CYSLTR2: variants seen among roughly 807,000 people sequenced by gnomAD.
The protein encoded by CYSLTR2 is G-protein coupled receptor GPCR21.
For missense variants in CYSLTR2, 398 were observed against 411.9 expected (o/e 0.97, Z 0.29); for synonymous variants, 179 against 160.8 (o/e 1.11, Z -0.86).
At chr13:48,695,654 A>T (rs892361841) in intron 3 of CYSLTR2, among the ~76,000 whole-genome samples, 1 of 152,130 alleles carries the variant, frequency 6.6e-6, no homozygotes, top group Non-Finnish European at 1.5e-5. Flanking sequence ...TCATTCAAGG[A>T]TGTTATATAA....
chr13:48,662,410 T>G (rs1309142932), intron 1 of CYSLTR2, among the ~76,000 whole-genome samples: 2 of 152,164 alleles, frequency 1.3e-5, no homozygotes, highest in Non-Finnish European at 2.9e-5. Context: ...AATTCTACTT[T>G]TAGTTTCTTG....
At chr13:48,679,418 A>G (rs150367114) in intron 1 of CYSLTR2, among the ~76,000 whole-genome samples, 6 of 152,256 alleles carry the variant, frequency 3.9e-5, no homozygotes, top group Non-Finnish European at 8.8e-5. Flanking sequence ...TCACTGTCAT[A>G]TACACAGGGC....
chr13:48,658,734 G>C (rs1036680480), intron 1 of CYSLTR2, among the ~76,000 whole-genome samples: 23 of 152,216 alleles, frequency 1.5e-4, no homozygotes, highest in African/African-American at 5.5e-4. Context: ...ATGGGCAAGA[G>C]AGAGCCTGCA....
In CYSLTR2 at chr13:48,695,068, A is replaced by ATTTTTTTTTTTTTTTTTT. The variant is rs869282546; in HGVS notation, c.-102-1449_-102-1432dup. ...AGACCATGGTATATCAGAACCTGGC[A>ATTTTTTTTTTTTTTTTTT]TTTTTTTTTTTTTTTTTTTTTTTTT... On this transcript the variant is annotated intron_variant, in intron 3 of 4. Coordinates refer to ENST00000682523, the MANE Select transcript of CYSLTR2 (RefSeq NM_001308476.3). 5.4e-4 allele frequency among the ~76,000 whole-genome samples: 39 copies of ATTTTTTTTTTTTTTTTTT among 71,618 alleles called. 9 individuals are homozygous for ATTTTTTTTTTTTTTTTTT. The highest frequency in any genetic ancestry group is 6.5e-4 in the Non-Finnish European group (26 of 39,926). 47.0% of individuals were successfully genotyped at this position (71,618 alleles called of 152,430 possible). A position where few individuals can be genotyped will look rare whatever the true frequency, so the allele number is the denominator to read the frequency against.
At chr13:48,699,472 G>A (rs1309493016) in intron 4 of CYSLTR2, among the ~76,000 whole-genome samples, 3 of 152,194 alleles carry the variant, frequency 2.0e-5, no homozygotes, top group South Asian at 2.1e-4. Context: ...TGAAACCAAT[G>A]AGAGCAAAGA....
intron 1 of CYSLTR2, among the ~76,000 whole-genome samples, chr13:48,683,162 C>T (rs897542475): frequency 2.6e-5 from 4 of 152,106 alleles, no homozygotes; most frequent in Non-Finnish European, 5.9e-5. Context: ...CATGTCTTTG[C>T]TATTGTGAAT....
intron 1 of CYSLTR2, among the ~76,000 whole-genome samples, chr13:48,675,849 T>C (rs1037915588): frequency 1.3e-5 from 2 of 152,244 alleles, no homozygotes; most frequent in Non-Finnish European, 2.9e-5. Flanking sequence ...CTGGGCCAAA[T>C]AGCATCATCC....
intron 4 of CYSLTR2, 73 bp from the exon 5 acceptor site, chr13:48,706,744 T>C (rs1954498286): frequency 5.9e-6 from 7 of 1,196,552 alleles, no homozygotes; most frequent in Non-Finnish European, 7.2e-6. Context: ...CCTAGAGAGA[T>C]GTAATCAGTA....
chr13:48,707,309 C>T lies in CYSLTR2; in HGVS notation c.492C>T (p.Ile164=), dbSNP rs200214967. ...SAWILCGIIW[I]LIMASSIMLL... is the part of the protein sequence containing the mutation. ...GGATCCTCTGTGGGATCATATGGAT[C>T]CTTATCATGGCTTCCTCAATAATGC... is the stretch of plus-strand genomic sequence containing the variant. The change falls in exon 5 of 5, where the codon ATC becomes ATT. Residue 164 remains isoleucine (I), a synonymous_variant. Transcript: ENST00000682523. 10 of 1,613,884 alleles carry T rather than the reference C, an allele frequency of 6.2e-6. No individual in the cohort carries two copies. The highest frequency in any genetic ancestry group is 8.5e-6 in the Non-Finnish European group (10 of 1,180,034).
chr13:48,676,188 G>C (rs903227529), intron 1 of CYSLTR2, among the ~76,000 whole-genome samples: 1 of 152,140 alleles, frequency 6.6e-6, no homozygotes, highest in Non-Finnish European at 1.5e-5. Context: ...ACTTAGAAAA[G>C]GCAGACCAGA....
chr13:48,682,160 C>T (rs1361960974), intron 1 of CYSLTR2, among the ~76,000 whole-genome samples: 1 of 152,138 alleles, frequency 6.6e-6, no homozygotes, highest in Non-Finnish European at 1.5e-5. Flanking sequence ...CCAGAGCTGA[C>T]ACATAATTGT....
chr13:48,653,974 A>G lies in CYSLTR2; in HGVS notation c.-309A>G, dbSNP rs1952935213. On this transcript the variant is annotated 5_prime_UTR_variant, in exon 1 of 5. In the 5' UTR this introduces an upstream ATG that the reference lacks. Coordinates refer to ENST00000682523, the MANE Select transcript of CYSLTR2 (RefSeq NM_001308476.3). ...CTCGGAGGAGAAAGGCAGGAGAGAT[A>G]GAGGCAGCAGAAGCCAGGGCAGCTG... 1 of 152,224 alleles carries G rather than the reference A, an allele frequency of 6.6e-6. No homozygotes were observed. The highest frequency in any genetic ancestry group is 1.5e-5 in the Non-Finnish European group (1 of 68,042). The allele number at this position is 152,224 out of a possible 1,614,324, so 9.4% of individuals were successfully genotyped here.
At chr13:48,658,246 T>G (rs1190320024) in intron 1 of CYSLTR2, among the ~76,000 whole-genome samples, 3 of 152,302 alleles carry the variant, frequency 2.0e-5, no homozygotes, top group African/African-American at 7.2e-5. Context: ...TCTGCTCCCA[T>G]GCCATGCCAT....
intron 1 of CYSLTR2, among the ~76,000 whole-genome samples, chr13:48,679,320 C>G (rs80145258): frequency 0.023 from 3,480 of 152,204 alleles, 68 homozygotes; most frequent in Non-Finnish European, 0.037. Flanking sequence ...TTCTGTGGGC[C>G]CTTCTTCCTC....
chr13:48,707,660 C>G lies in CYSLTR2; in HGVS notation c.843C>G (p.Asp281Glu), dbSNP rs183822280. 1.2e-4 allele frequency: 196 copies of G among 1,614,022 alleles called. 3 individuals are homozygous for G. In the Admixed American group the frequency reaches 3.2e-3, roughly 26 times the overall value. ...LTTWKVGLCK[D>E]RLHKALVITL... ...CATGGAAAGTGGGTTTATGCAAAGA[C>G]AGACTGCATAAAGCTTTGGTTATCA... The change falls in exon 5 of 5, where the codon GAC (aspartate) becomes GAG (glutamate). Residue 281 changes from aspartate to glutamate, a missense_variant. By Grantham distance (45) the Asp-to-Glu change is conservative. Coordinates refer to ENST00000682523, the MANE Select transcript of CYSLTR2 (RefSeq NM_001308476.3).
intron 1 of CYSLTR2, among the ~76,000 whole-genome samples, chr13:48,680,795 C>CTTTTTTTTTTTTTT (rs1268529678): frequency 3.3e-4 from 36 of 110,610 alleles, no homozygotes; most frequent in African/African-American, 1.3e-3. Context: ...CTTTTCTTTT[C>CTTTTTTTTTTTTTT]TTTTCTTTTT....
chr13:48,706,988 G>T lies in CYSLTR2; in HGVS notation c.171G>T (p.Gly57=), dbSNP rs1424658993. 2 of 1,614,104 alleles carry T rather than the reference G, an allele frequency of 1.2e-6. No homozygotes were observed. Among genetic ancestry groups the T allele is most frequent in the Non-Finnish European group, 1.7e-6 (2 of 1,180,032 alleles). Residue 57 remains glycine (G), a synonymous_variant, in exon 5 of 5, where the codon GGG becomes GGT. Transcript: ENST00000682523. ...IIFFWGVLGN[G]LSIYVFLQPY... is the part of the protein sequence containing the mutation. ...TTTTCTGGGGAGTCTTGGGAAATGG[G>T]TTGTCCATATATGTTTTCCTGCAGC...
chr13:48,675,108 C>T lies in CYSLTR2; in HGVS notation c.-265-16104C>T, dbSNP rs117867947. On this transcript the variant is annotated intron_variant, in intron 1 of 4. Transcript: ENST00000682523. ...AGTCAGGGGGCATGGGGTTTAAGGA[C>T]CCATGGGGTTCAGGGATCCACTTGA... 4.9e-3 allele frequency among the ~76,000 whole-genome samples: 742 copies of T among 152,254 alleles called. 3 individuals are homozygous for T. The highest frequency in any genetic ancestry group is 0.014 in the Middle Eastern group (4 of 294).
intron 1 of CYSLTR2, among the ~76,000 whole-genome samples, chr13:48,685,151 G>C (rs1404904736): frequency 6.6e-6 from 1 of 152,124 alleles, no homozygotes; most frequent in African/African-American, 2.4e-5. Flanking sequence ...TCTGCTTCTG[G>C]GGAGGCCTCG....
Sources: gnomAD v4.1 joint callset for allele counts (sites outside exome capture counted in the v4.1 genomes callset) on GRCh38, gnomAD v4.1.1 for gene constraint, MANE v1.5 for transcripts, NCBI Gene and HGNC (gene_info 2026-07-23, HGNC 2026-07-21) for gene names.